The following DHRSX variants were observed in gnomAD, a reference collection of about 807,000 sequenced individuals.
DHRSX encodes the protein polyprenol dehydrogenase.
DHRSX carries 31 observed loss-of-function variants against 34.0 expected under a neutral mutation model. The observed-to-expected ratio is 0.91, with a 90% CI of 0.69 to 1.23. The LOEUF (loss-of-function observed/expected upper bound fraction) is 1.23, where lower values mean the gene tolerates loss of function less well. DHRSX is among the 50% of genes most tolerant of loss of function. The pLI is 0.00. For missense variants in DHRSX, 414 were observed against 428.1 expected, an observed-to-expected ratio of 0.97 and a Z score of 0.29; for synonymous variants, 201 against 183.8, an observed-to-expected ratio of 1.09 and a Z score of -0.76.
rs776603158 is a variant in DHRSX, at chrX:2,433,752, C to T, written c.110-8448G>A. Among the ~76,000 whole-genome samples, 465 of 152,132 alleles carry T rather than the reference C, an allele frequency of 3.1e-3. 2 individuals carry two copies. The highest frequency in any genetic ancestry group is 0.01 in the African/African-American group (429 of 41,534). On this transcript the variant is annotated intron_variant, in intron 1 of 6. Transcript: ENST00000334651. ...CATGAACTCATCCTTTTTATGGCTG[C>T]GTAGTATTCCATGGTGTATTTTTCT...
intron 3 of DHRSX, among the ~76,000 whole-genome samples, chrX:2,328,814 G>T (rs1432992020): frequency 3.3e-5 from 5 of 152,138 alleles, no homozygotes; most frequent in Admixed American, 2.0e-4. Flanking sequence ...TTCCTCAGGT[G>T]GTGTTGCAGA....
intron 3 of DHRSX, among the ~76,000 whole-genome samples, chrX:2,321,158 A>G (rs2042306442): frequency 6.6e-6 from 1 of 152,094 alleles, no homozygotes; most frequent in Admixed American, 6.6e-5. Flanking sequence ...AGGGGATGGG[A>G]GCATTTATAT....
chrX:2,462,158 G>A (rs1297244504), intron 1 of DHRSX, among the ~76,000 whole-genome samples: 1 of 143,324 alleles, frequency 7.0e-6, no homozygotes, highest in Non-Finnish European at 1.5e-5. Flanking sequence ...CACCCAGGAC[G>A]AATAAGTGGA....
chrX:2,441,108 G>A (rs774210867), intron 1 of DHRSX, among the ~76,000 whole-genome samples: 1 of 152,308 alleles, frequency 6.6e-6, no homozygotes, highest in South Asian at 2.1e-4. Context: ...CAGTGAAGAC[G>A]GAGCACGTGT....
chrX:2,243,785 CCTGTTTTTT>C (rs1288938576), intron 5 of DHRSX, among the ~76,000 whole-genome samples: 1,772 of 71,460 alleles, frequency 0.025, 142 homozygotes, highest in African/African-American at 0.062. Flanking sequence ...CACTATGCTC[CCTGTTTTTT>C]TTTTTTTTTT....
chrX:2,449,928 T>C (rs2044193245), intron 1 of DHRSX, among the ~76,000 whole-genome samples: 1 of 152,140 alleles, frequency 6.6e-6, no homozygotes, highest in African/African-American at 2.4e-5. Flanking sequence ...CCACCACGCC[T>C]GGCCATGCAG....
intron 1 of DHRSX, among the ~76,000 whole-genome samples, chrX:2,472,898 C>A (rs1298334671): frequency 3.3e-5 from 5 of 152,122 alleles, no homozygotes; most frequent in African/African-American, 9.7e-5. Flanking sequence ...CAGGACTTCA[C>A]GTTGCCAACA....
intron 5 of DHRSX, among the ~76,000 whole-genome samples, chrX:2,255,757 A>C (rs868331192): frequency 9.9e-5 from 15 of 151,484 alleles, no homozygotes; most frequent in Non-Finnish European, 1.6e-4. Flanking sequence ...CAAAAAAAAA[A>C]CACAAAAATT....
At chrX:2,248,045 C>A (rs2016339073) in intron 5 of DHRSX, among the ~76,000 whole-genome samples, 1 of 152,150 alleles carries the variant, frequency 6.6e-6, no homozygotes, top group Non-Finnish European at 1.5e-5. Flanking sequence ...CGGCTATAAT[C>A]CCGGCACTTT....
At chrX:2,371,209 CT>C (rs2043055051) in intron 3 of DHRSX, among the ~76,000 whole-genome samples, 3 of 144,208 alleles carry the variant, frequency 2.1e-5, no homozygotes, top group African/African-American at 7.3e-5. Flanking sequence ...ACCACAGTCC[CT>C]TCTCCCGTTA....
intron 5 of DHRSX, among the ~76,000 whole-genome samples, chrX:2,245,272 C>T (rs2124430427): frequency 6.6e-6 from 1 of 152,152 alleles, no homozygotes; most frequent in East Asian, 1.9e-4. Context: ...CTGGAAGCCC[C>T]CTCCCTGCTT....
chrX:2,490,683 GGTCT>G, intron 1 of DHRSX: 1 of 1,613,934 alleles, frequency 6.2e-7, no homozygotes, highest in Non-Finnish European at 8.5e-7. Flanking sequence ...ACCAGCTTCA[GGTCT>G]GTCTGGGAGC....
intron 1 of DHRSX, among the ~76,000 whole-genome samples, chrX:2,447,673 T>C (rs1006304546): frequency 4.0e-5 from 6 of 151,444 alleles, no homozygotes; most frequent in Non-Finnish European, 8.8e-5. Flanking sequence ...AAATGTGGCA[T>C]AGACACACAG....
chrX:2,344,476 A>G (rs1393409007), intron 3 of DHRSX, among the ~76,000 whole-genome samples: 1 of 152,082 alleles, frequency 6.6e-6, no homozygotes. Flanking sequence ...ATACTATACG[A>G]CCACAGACTG....
intron 3 of DHRSX, among the ~76,000 whole-genome samples, chrX:2,405,612 C>T (rs1430215056): frequency 6.6e-6 from 1 of 151,750 alleles, no homozygotes; most frequent in East Asian, 2.0e-4. Context: ...TCAAGATGAA[C>T]CTGGGCAACA....
In DHRSX at chrX:2,493,055, C is replaced by CCCGGCATTG. The variant is rs2045196276; in HGVS notation, c.109+7761_109+7762insCAATGCCGG. ...CCAGGTGAGCTGGGCATTGCCAGAG[C>CCCGGCATTG]CCAGCAGTGCCACTTCCCAAGACTG... is the stretch of plus-strand genomic sequence containing the variant. On this transcript the variant is annotated intron_variant, in intron 1 of 6. Coordinates refer to ENST00000334651, the MANE Select transcript of DHRSX (RefSeq NM_145177.3). Among the ~76,000 whole-genome samples, 4 of 152,194 alleles carry CCCGGCATTG rather than the reference C, an allele frequency of 2.6e-5. No individual in the cohort carries two copies. In the South Asian group the frequency reaches 8.3e-4, roughly 31 times the overall value.
chrX:2,332,036 A>T (rs1387694708), intron 3 of DHRSX, among the ~76,000 whole-genome samples: 1 of 152,202 alleles, frequency 6.6e-6, no homozygotes, highest in African/African-American at 2.4e-5. Context: ...TGCTTAAATT[A>T]AAAAATATAT....
In DHRSX at chrX:2,262,019, G is replaced by A. The variant is rs1208684488; in HGVS notation, c.596+4721C>T. Among the ~76,000 whole-genome samples the A allele has an allele frequency of 4.6e-5, 7 of 152,204 alleles. No homozygotes were observed. In the South Asian group the frequency reaches 1.0e-3, roughly 23 times the overall value. On this transcript the variant is annotated intron_variant, in intron 5 of 6. Coordinates refer to ENST00000334651, the MANE Select transcript of DHRSX (RefSeq NM_145177.3). ...GCTGCTGGCTGTGCCAAGACTCCTC[G>A]TTCCCTCCTCCCTTCTCCCAGGCCC...
intron 3 of DHRSX, chrX:2,334,485 G>C (rs1485569940): frequency 2.6e-5 from 4 of 151,210 alleles, no homozygotes; most frequent in Non-Finnish European, 5.9e-5. Flanking sequence ...ATAAGGTCTT[G>C]GTCTCTCAGC....
Sources: allele counts gnomAD v4.1 joint callset (sites outside exome capture counted in the v4.1 genomes callset), GRCh38; gene constraint gnomAD v4.1.1; transcripts MANE v1.5; gene names NCBI Gene and HGNC (gene_info 2026-07-23, HGNC 2026-07-21).